Variants in WDR7 observed in about 807,000 individuals in gnomAD.
The protein encoded by WDR7 is WD repeat-containing protein 7.
WDR7 carries 46 observed loss-of-function variants against 169.4 expected under a neutral mutation model. That is an observed-to-expected ratio of 0.27 (90% CI 0.21 to 0.35). The LOEUF is 0.35. WDR7 is among the 10% of genes least tolerant of loss of function. WDR7 has a pLI of 1.00. For synonymous variants in WDR7, 612 were observed against 666.8 expected, an observed-to-expected ratio of 0.92 and a Z score of 1.27; for missense variants, 1,534 against 1,859.3, an observed-to-expected ratio of 0.83 and a Z score of 3.22.
At chr18:56,794,812 TTTAATC>T (rs2044555860) in intron 19 of WDR7, among the ~76,000 whole-genome samples, 1 of 152,210 alleles carries the variant, frequency 6.6e-6, no homozygotes, top group African/African-American at 2.4e-5. Flanking sequence ...GCATATTTCT[TTTAATC>T]TATAGAGTTT....
chr18:56,667,402 C>T (rs1191060866), intron 1 of WDR7, among the ~76,000 whole-genome samples: 1 of 152,076 alleles, frequency 6.6e-6, no homozygotes, highest in Non-Finnish European at 1.5e-5. Context: ...GTAATCCAAC[C>T]CTCATACTAT....
intron 17 of WDR7, among the ~76,000 whole-genome samples, chr18:56,778,427 ATAT>A (rs2044270424): frequency 6.6e-6 from 1 of 152,102 alleles, no homozygotes; most frequent in African/African-American, 2.4e-5. Flanking sequence ...TTGTCTTTAA[ATAT>A]TATCCCTAGG....
At position 56,781,676 on chromosome 18, in the gene WDR7, T is replaced by G. The variant is rs2044320416; in HGVS notation, c.3190+20T>G. The G allele has an allele frequency of 6.4e-7, 1 of 1,555,594 alleles. No homozygotes were observed. Among genetic ancestry groups the G allele is most frequent in the Admixed American group, 1.9e-5 (1 of 53,128 alleles). Reference sequence around the variant, plus strand: ...TATCACGTAAGAGTTCTCATGCTTCTCTACAAAGCTTTGCAGGAATATGTA... The same window carrying G: ...TATCACGTAAGAGTTCTCATGCTTCGCTACAAAGCTTTGCAGGAATATGTA... On this transcript the variant is annotated intron_variant, in intron 19 of 27. Transcript: ENST00000254442.
intron 19 of WDR7, among the ~76,000 whole-genome samples, chr18:56,804,704 G>A (rs539802546): frequency 1.3e-5 from 2 of 152,182 alleles, no homozygotes; most frequent in Non-Finnish European, 2.9e-5. Context: ...GACAATCTAA[G>A]TCTTTTGATG....
chr18:56,938,383 G>A lies in WDR7; in HGVS notation c.3832-150G>A, dbSNP rs965503082. 1.5e-5 allele frequency: 15 copies of A among 972,938 alleles called. No homozygotes were observed. The Admixed American group carries it at 3.2e-4, about 21-fold the overall frequency. The allele number at this position is 972,938 out of a possible 1,614,324, so 60.3% of individuals were successfully genotyped here. A position where few individuals can be genotyped will look rare whatever the true frequency, so the allele number is the denominator to read the frequency against. On this transcript the variant is annotated intron_variant, in intron 23 of 27. Coordinates refer to ENST00000254442, the MANE Select transcript of WDR7 (RefSeq NM_015285.3). ...ACCTATTGAGTTTTTATTATACTAA[G>A]TATTGTTTTTGTAAACAAAAGTATT...
chr18:56,855,701 C>T (rs954465302), intron 20 of WDR7, among the ~76,000 whole-genome samples: 9 of 152,132 alleles, frequency 5.9e-5, no homozygotes, highest in African/African-American at 2.2e-4. Flanking sequence ...TTACTTACTG[C>T]GGCTTTATAA....
At chr18:56,950,299 G>A (rs537092583) in intron 25 of WDR7, among the ~76,000 whole-genome samples, 6 of 152,218 alleles carry the variant, frequency 3.9e-5, no homozygotes, top group African/African-American at 1.4e-4. Flanking sequence ...CTGTTGTTTT[G>A]CTCACTGCCA....
chr18:56,976,826 G>A (rs2047572481), intron 26 of WDR7, among the ~76,000 whole-genome samples: 1 of 152,342 alleles, frequency 6.6e-6, no homozygotes, highest in African/African-American at 2.4e-5. Context: ...TCATTCCTGA[G>A]AGAAAAGAGG....
chr18:56,929,358 C>T (rs2046849823), intron 22 of WDR7, among the ~76,000 whole-genome samples: 1 of 152,162 alleles, frequency 6.6e-6, no homozygotes, highest in Admixed American at 6.5e-5. Flanking sequence ...CTCTTGAGTG[C>T]TTGTGTCATA....
chr18:56,783,456 T>C (rs2044349853), intron 19 of WDR7, among the ~76,000 whole-genome samples: 1 of 152,108 alleles, frequency 6.6e-6, no homozygotes, highest in African/African-American at 2.4e-5. Context: ...GGACAAACTA[T>C]GACTATAGTA....
chr18:56,744,713 A>G (rs1860047875), intron 14 of WDR7, among the ~76,000 whole-genome samples: 1 of 152,112 alleles, frequency 6.6e-6, no homozygotes, highest in Admixed American at 6.6e-5. Flanking sequence ...CTCCTACACG[A>G]GGATTTTCTG....
intron 14 of WDR7, among the ~76,000 whole-genome samples, chr18:56,751,022 C>T (rs1296084614): frequency 1.3e-5 from 2 of 152,022 alleles, no homozygotes; most frequent in Admixed American, 1.3e-4. Flanking sequence ...TAGTCTCCTC[C>T]TGTTATCTTC....
chr18:56,952,388 G>A (rs998995759), intron 25 of WDR7, among the ~76,000 whole-genome samples: 7 of 152,162 alleles, frequency 4.6e-5, no homozygotes, highest in African/African-American at 9.7e-5. Flanking sequence ...TACTTTTCTC[G>A]TGACTGACTT....
intron 20 of WDR7, among the ~76,000 whole-genome samples, chr18:56,833,825 T>C (rs536908369): frequency 6.6e-6 from 1 of 152,322 alleles, no homozygotes; most frequent in East Asian, 1.9e-4. Context: ...TACCGAACTT[T>C]TGCTTACACA....
At chr18:56,803,635 AT>A (rs2044717161) in intron 19 of WDR7, among the ~76,000 whole-genome samples, 1 of 152,176 alleles carries the variant, frequency 6.6e-6, no homozygotes, top group Non-Finnish European at 1.5e-5. Flanking sequence ...AATATTCAGT[AT>A]TTTCCTGAAG....
intron 20 of WDR7, among the ~76,000 whole-genome samples, chr18:56,865,911 T>G (rs946976729): frequency 2.0e-5 from 3 of 152,166 alleles, no homozygotes; most frequent in African/African-American, 7.2e-5. Context: ...GGTCCAAAAC[T>G]TTTTTTAAGA....
intron 5 of WDR7, among the ~76,000 whole-genome samples, chr18:56,684,555 C>A (rs764890269): frequency 6.6e-6 from 1 of 152,160 alleles, no homozygotes; most frequent in African/African-American, 2.4e-5. Flanking sequence ...AGATGATGGG[C>A]AGTCTCTGAA....
At chr18:56,679,583 TAA>T in intron 3 of WDR7, 145 bp downstream of exon 3, 1 of 479,630 alleles carries the variant, frequency 2.1e-6, no homozygotes, top group Non-Finnish European at 3.6e-6. Flanking sequence ...TGTAGATATT[TAA>T]AATCTGATTT....
chr18:56,794,946 G>T (rs539382960), intron 19 of WDR7, among the ~76,000 whole-genome samples: 1 of 152,056 alleles, frequency 6.6e-6, no homozygotes, highest in Non-Finnish European at 1.5e-5. Flanking sequence ...CATTAGAGTA[G>T]CAGATCCCAG....
Sources: allele counts gnomAD v4.1 joint callset (sites outside exome capture counted in the v4.1 genomes callset), GRCh38; gene constraint gnomAD v4.1.1; transcripts MANE v1.5; gene names NCBI Gene and HGNC (gene_info 2026-07-23, HGNC 2026-07-21).